Variants in CD96 observed in about 807,000 individuals in gnomAD.
CD96 encodes CD96 molecule, also known as T-cell surface protein tactile.
CD96 carries 70 observed loss-of-function variants against 71.3 expected under a neutral mutation model. The observed-to-expected ratio is 0.98, with a 90% CI of 0.81 to 1.20. The LOEUF (loss-of-function observed/expected upper bound fraction) is 1.20, where lower values mean the gene tolerates loss of function less well. Among genes scored for constraint, CD96 ranks in the 50% most tolerant of loss-of-function variants. The pLI, the probability that CD96 is intolerant of heterozygous loss-of-function variation, is 0.00. For synonymous variants in CD96, 248 were observed against 233.0 expected (o/e 1.06, Z -0.59); for missense variants, 742 against 677.5 (o/e 1.10, Z -1.06).
chr3:111,659,138 TC>T (rs1231983419), intron 14 of CD96, among the ~76,000 whole-genome samples: 1 of 152,210 alleles, frequency 6.6e-6, no homozygotes, highest in Non-Finnish European at 1.5e-5. Context: ...CAGAAATTTA[TC>T]CATTTCCTCT....
At chr3:111,597,911 G>A (rs1180384361) in intron 5 of CD96, among the ~76,000 whole-genome samples, 1 of 152,152 alleles carries the variant, frequency 6.6e-6, no homozygotes, top group Non-Finnish European at 1.5e-5. Flanking sequence ...TAGGAGTATA[G>A]CCAGAAGTTT....
At chr3:111,606,567 C>A (rs1937630352) in intron 7 of CD96, 133 bp from the exon 8 acceptor site, 1 of 675,860 alleles carries the variant, frequency 1.5e-6, no homozygotes, top group South Asian at 1.6e-5. Context: ...ACTGCCTTGA[C>A]CTTAATAGGG....
intron 4 of CD96, among the ~76,000 whole-genome samples, chr3:111,581,494 A>G (rs1936465644): frequency 6.6e-6 from 1 of 152,162 alleles, no homozygotes. Context: ...CTTCTTCCCA[A>G]ACAATGTCCA....
At chr3:111,570,341 GTATGGTCT>G in intron 3 of CD96, among the ~76,000 whole-genome samples, 1 of 152,174 alleles carries the variant, frequency 6.6e-6, no homozygotes, top group East Asian at 1.9e-4. Context: ...GGGGTGAGAG[GTATGGTCT>G]AAGGTCACAG....
At chr3:111,639,293 A>G (rs1237849567) in intron 12 of CD96, among the ~76,000 whole-genome samples, 2 of 152,156 alleles carry the variant, frequency 1.3e-5, no homozygotes, top group African/African-American at 4.8e-5. Flanking sequence ...GGTGGGGGGC[A>G]TGGTGGGAGT....
intron 14 of CD96, among the ~76,000 whole-genome samples, chr3:111,658,595 G>C (rs577766122): frequency 1.3e-5 from 2 of 152,182 alleles, no homozygotes; most frequent in Non-Finnish European, 2.9e-5. Flanking sequence ...AGGAGAAACA[G>C]AAACAGTAAC....
chr3:111,584,722 C>A (rs531271523), intron 4 of CD96, among the ~76,000 whole-genome samples: 1 of 152,150 alleles, frequency 6.6e-6, no homozygotes, highest in African/African-American at 2.4e-5. Flanking sequence ...GACCAGCCCC[C>A]GTGATTCAAT....
chr3:111,635,587 T>A (rs1939289161), intron 10 of CD96, among the ~76,000 whole-genome samples: 1 of 152,164 alleles, frequency 6.6e-6, no homozygotes, highest in Admixed American at 6.5e-5. Context: ...TTGGGGAAAA[T>A]CAATATTGAC....
intron 2 of CD96, among the ~76,000 whole-genome samples, chr3:111,557,144 AT>A (rs1935104633): frequency 9.3e-6 from 1 of 107,006 alleles, no homozygotes; most frequent in African/African-American, 4.7e-5. Context: ...ATTTTCTCCC[AT>A]TTTGTAGGTT....
intron 2 of CD96, among the ~76,000 whole-genome samples, chr3:111,563,016 G>T (rs536074713): frequency 6.6e-6 from 1 of 152,330 alleles, no homozygotes; most frequent in East Asian, 1.9e-4. Flanking sequence ...TCTGGTGAGG[G>T]CCTGCTTGCT....
At chr3:111,577,619 T>C (rs1936277966) in intron 3 of CD96, 2 of 984,700 alleles carry the variant, frequency 2.0e-6, no homozygotes, top group South Asian at 2.5e-5. Flanking sequence ...CACAATACTA[T>C]CTGTATGTAA....
Position 111,544,972 on chromosome 3 carries a change from G to C in CD96, c.62-74G>C, listed in dbSNP as rs566938531. Reference sequence around the variant, plus strand: ...CAGTTGCTCCCCTCACCTTACTGAAGTGACTAGGGTTTTTAATTAAGCGTC... The same window carrying C: ...CAGTTGCTCCCCTCACCTTACTGAACTGACTAGGGTTTTTAATTAAGCGTC... On this transcript the variant is annotated intron_variant, in intron 1 of 13. Transcript: ENST00000352690. 275 of 1,280,748 alleles carry C rather than the reference G, an allele frequency of 2.1e-4. No individual in the cohort carries two copies. In the African/African-American group the frequency reaches 2.3e-3, roughly 11 times the overall value. The allele number at this position is 1,280,748 out of a possible 1,614,324, so 79.3% of individuals were successfully genotyped here.
At chr3:111,572,199 C>T (rs1484021171) in intron 3 of CD96, among the ~76,000 whole-genome samples, 1 of 152,234 alleles carries the variant, frequency 6.6e-6, no homozygotes, top group African/African-American at 2.4e-5. Context: ...AACACACCTT[C>T]CCAACCCTTC....
intron 5 of CD96, among the ~76,000 whole-genome samples, chr3:111,597,533 A>G (rs535611100): frequency 6.6e-6 from 1 of 152,158 alleles, no homozygotes; most frequent in Non-Finnish European, 1.5e-5. Flanking sequence ...TGATTTTTCC[A>G]TTGGTCAAAT....
intron 8 of CD96, among the ~76,000 whole-genome samples, chr3:111,611,667 G>T (rs562055669): frequency 6.6e-6 from 1 of 152,284 alleles, no homozygotes; most frequent in Admixed American, 6.5e-5. Flanking sequence ...GGGAAAGGAA[G>T]GGGGATCAGG....
intron 12 of CD96, among the ~76,000 whole-genome samples, chr3:111,640,789 C>A (rs1939553652): frequency 6.6e-6 from 1 of 152,336 alleles, no homozygotes; most frequent in South Asian, 2.1e-4. Flanking sequence ...CAACAGATTT[C>A]TCAGCAGAAA....
chr3:111,657,235 T>C (rs1332699500), downstream of CD96, among the ~76,000 whole-genome samples: 2 of 151,954 alleles, frequency 1.3e-5, no homozygotes, highest in Non-Finnish European at 2.9e-5. Context: ...CTGGCCAACA[T>C]GGTGAAACCC....
At chr3:111,628,884 C>T (rs550018001) in intron 10 of CD96, among the ~76,000 whole-genome samples, 103 of 152,158 alleles carry the variant, frequency 6.8e-4, no homozygotes, top group Non-Finnish European at 7.6e-4. Flanking sequence ...AAAGAATTTT[C>T]AACCCAGAAT....
downstream of CD96, among the ~76,000 whole-genome samples, chr3:111,655,045 G>A (rs1274043311): frequency 6.6e-6 from 1 of 152,196 alleles, no homozygotes; most frequent in Non-Finnish European, 1.5e-5. Flanking sequence ...AGGGATCTGA[G>A]AATTCCATCT....
Sources: allele counts gnomAD v4.1 joint callset (sites outside exome capture counted in the v4.1 genomes callset), GRCh38; gene constraint gnomAD v4.1.1; transcripts MANE v1.5; gene names NCBI Gene and HGNC (gene_info 2026-07-23, HGNC 2026-07-21).